Variants in PNPT1 observed in about 807,000 individuals in gnomAD.
PNPT1 encodes the protein polyribonucleotide nucleotidyltransferase 1, mitochondrial.
Under a neutral mutation model 119.5 loss-of-function variants are expected in PNPT1, and 53 were observed. The ratio of observed to expected loss-of-function variants is 0.44; its 90% CI spans 0.36 to 0.56. The LOEUF (loss-of-function observed/expected upper bound fraction) is 0.56. PNPT1 is among the 20% of genes least tolerant of loss of function. The pLI is 0.00. For missense variants in PNPT1, 948 were observed against 938.5 expected, an observed-to-expected ratio of 1.01 and a Z score of -0.13; for synonymous variants, 357 against 322.1, an observed-to-expected ratio of 1.11 and a Z score of -1.16.
chr2:55,652,111 C>T (rs1018087549), intron 18 of PNPT1, among the ~76,000 whole-genome samples: 1 of 152,172 alleles, frequency 6.6e-6, no homozygotes, highest in African/African-American at 2.4e-5. Flanking sequence ...GCCAATTATG[C>T]TCAGCCTAGT....
chr2:55,680,620 C>A (rs1697219133), intron 7 of PNPT1, 92 bp downstream of exon 7: 3 of 1,169,626 alleles, frequency 2.6e-6, no homozygotes, highest in South Asian at 1.4e-5. Flanking sequence ...GGTAATAAAT[C>A]AGAGCCATAT....
Position 55,637,698 on chromosome 2 carries a change from T to TA in PNPT1, c.2149-100dup, listed in dbSNP as rs1572791101. On this transcript the variant is annotated intron_variant, in intron 26 of 27. Transcript: ENST00000447944. ...CTCAAGCTTTATTAGTTTTTCTGAT[T>TA]AAAAAAATCAGTTAGCGGCTGGGCG... 1.5e-5 allele frequency: 16 copies of TA among 1,102,670 alleles called. No homozygotes were observed. The East Asian group carries it at 2.6e-4, about 18-fold the overall frequency. 68.3% of individuals were successfully genotyped at this position (1,102,670 alleles called of 1,614,324 possible). A position where few individuals can be genotyped will look rare whatever the true frequency, so the allele number is the denominator to read the frequency against.
rs190405689 is a variant in PNPT1 at position 55,651,870 on chromosome 2, G to C, written c.1495+3030C>G. 2.5e-4 allele frequency among the ~76,000 whole-genome samples: 15 copies of C among 60,062 alleles called. No homozygotes were observed. The South Asian group carries it at 4.4e-3, about 18-fold the overall frequency. The allele number at this position is 60,062 out of a possible 152,430, so 39.4% of individuals were successfully genotyped here. A position where few individuals can be genotyped will look rare whatever the true frequency, so the allele number is the denominator to read the frequency against. Reference sequence around the variant, plus strand: ...AACTAGGAAATAAAGAGAAGACAAAGATAAAAAGGAAAGTCAAAAAAAAAA... The same window carrying C: ...AACTAGGAAATAAAGAGAAGACAAACATAAAAAGGAAAGTCAAAAAAAAAA... On this transcript the variant is annotated intron_variant, in intron 18 of 27. Coordinates refer to ENST00000447944, the MANE Select transcript of PNPT1 (RefSeq NM_033109.5).
chr2:55,687,211 C>G (rs1697435634), intron 2 of PNPT1, among the ~76,000 whole-genome samples: 1 of 37,994 alleles, frequency 2.6e-5, no homozygotes, highest in South Asian at 8.0e-4. Context: ...GAGACTCCAT[C>G]TCAAAAAAAA....
chr2:55,643,358 A>G lies in PNPT1; in HGVS notation c.1974T>C (p.His658=), dbSNP rs145017720. 2.5e-6 allele frequency: 4 copies of G among 1,614,106 alleles called. No homozygotes were observed. The highest frequency in any genetic ancestry group is 1.3e-5 in the African/African-American group (1 of 74,936). Residue 658 remains histidine, a synonymous_variant, in exon 24 of 28, where the codon CAT becomes CAC. Transcript: ENST00000447944. ...SVFAPTPSAM[H]EARDFITEIC... is the part of the protein sequence containing the mutation. ...TTTCAGTAATGAAGTCTCTTGCCTCATGCATAGCACTGGGTGTTGGTGCAA... is the reference window on the plus strand; with the variant it reads ...TTTCAGTAATGAAGTCTCTTGCCTCGTGCATAGCACTGGGTGTTGGTGCAA...
intron 18 of PNPT1, among the ~76,000 whole-genome samples, chr2:55,652,720 T>C (rs942710114): frequency 4.1e-4 from 62 of 152,352 alleles, no homozygotes; most frequent in Middle Eastern, 3.4e-3. Flanking sequence ...TAAAGCTGAA[T>C]TATAGATATA....
intron 18 of PNPT1, among the ~76,000 whole-genome samples, chr2:55,654,160 G>T (rs1225464208): frequency 6.6e-6 from 1 of 151,868 alleles, no homozygotes; most frequent in Non-Finnish European, 1.5e-5. Flanking sequence ...AGGAGGCTGA[G>T]GCAGAAGAAT....
At chr2:55,648,443 A>C (rs1193982243) in intron 18 of PNPT1, among the ~76,000 whole-genome samples, 1 of 152,202 alleles carries the variant, frequency 6.6e-6, no homozygotes, top group African/African-American at 2.4e-5. Flanking sequence ...TAGCATTTTA[A>C]ACTTTTACCA....
chr2:55,672,472 A>C (rs1002497658), intron 9 of PNPT1, among the ~76,000 whole-genome samples: 15 of 152,226 alleles, frequency 9.9e-5, no homozygotes, highest in African/African-American at 3.6e-4. Context: ...AATTTTTTCA[A>C]ATAAAATAAT....
At position 55,670,828 on chromosome 2, in the gene PNPT1, ACTCTG is replaced by A. The variant is rs1416787726; in HGVS notation, c.976+486_976+490del. ...CACATTCAACATTTACTAGGTACCTACTCTGCATCAAATGTAGTGCTAGCTACATT... is the reference window on the plus strand; with the variant it reads ...CACATTCAACATTTACTAGGTACCTACATCAAATGTAGTGCTAGCTACATT... On this transcript the variant is annotated intron_variant, in intron 11 of 27. Transcript: ENST00000447944. 7.2e-5 allele frequency among the ~76,000 whole-genome samples: 11 copies of A among 152,246 alleles called. No individual in the cohort carries two copies. The East Asian group carries it at 2.1e-3, about 29-fold the overall frequency.
At chr2:55,672,552 T>C (rs551033593) in intron 9 of PNPT1, among the ~76,000 whole-genome samples, 4 of 152,376 alleles carry the variant, frequency 2.6e-5, no homozygotes, top group South Asian at 2.1e-4. Flanking sequence ...GTAACAGTGA[T>C]TACCTCTGAT....
intron 14 of PNPT1, 63 bp downstream of exon 14, chr2:55,661,893 T>A: frequency 7.3e-7 from 1 of 1,368,868 alleles, no homozygotes; most frequent in African/African-American, 1.5e-5. Flanking sequence ...ATATACCACA[T>A]AAGCTTTAAT....
chr2:55,680,659 T>G, intron 7 of PNPT1, 53 bp downstream of exon 7: 2 of 1,528,242 alleles, frequency 1.3e-6, no homozygotes, highest in Middle Eastern at 2.1e-4. Context: ...TCACTACTAC[T>G]TACTGAAAAA....
At position 55,637,566 on chromosome 2, in the gene PNPT1, C is replaced by T. The variant is rs139578402; in HGVS notation, c.2182G>A (p.Gly728Ser). 2 of 1,604,772 alleles carry T rather than the reference C, an allele frequency of 1.2e-6. No homozygotes were observed. The highest frequency in any genetic ancestry group is 1.7e-6 in the Non-Finnish European group (2 of 1,171,708). ...AATACAAATACCTGAATTTCTTGGC[C>T]AACTTCTAATCCTAGGGCAGTAGGA... ...KHPTALGLEV[G>S]QEIQVKYFGR... The change falls in exon 27 of 28, where the codon GGC (glycine) becomes AGC (serine). Residue 728 changes from glycine to serine, a missense_variant. Coordinates refer to ENST00000447944, the MANE Select transcript of PNPT1 (RefSeq NM_033109.5).
chr2:55,688,512 G>T (rs1697489745), intron 1 of PNPT1, among the ~76,000 whole-genome samples: 1 of 151,986 alleles, frequency 6.6e-6, no homozygotes, highest in African/African-American at 2.4e-5. Flanking sequence ...ATCACCCGAG[G>T]TCAGGAGTTC....
At position 55,646,141 on chromosome 2, in the gene PNPT1, C is replaced by G. The variant is rs1200440996; in HGVS notation, c.1738+118G>C. On this transcript the variant is annotated intron_variant, in intron 21 of 27. Transcript: ENST00000447944. The stretch of plus-strand genomic sequence containing the variant: ...CCACACCTGGCCAGTACTTCTTGAT[C>G]TAAGTTATATGAAATTCCACTTTTT... 8.8e-6 allele frequency: 9 copies of G among 1,026,242 alleles called. No individual in the cohort carries two copies. The African/African-American group carries it at 1.3e-4, about 15-fold the overall frequency. The allele number at this position is 1,026,242 out of a possible 1,614,324, so 63.6% of individuals were successfully genotyped here.
At chr2:55,645,670 A>G (rs375573214) in intron 21 of PNPT1, among the ~76,000 whole-genome samples, 2 of 152,142 alleles carry the variant, frequency 1.3e-5, no homozygotes, top group Admixed American at 6.6e-5. Context: ...GCGTGTATTC[A>G]TGTGTCCCAA....
At chr2:55,691,878 A>ATATATTTT (rs1326804958) in intron 1 of PNPT1, among the ~76,000 whole-genome samples, 7 of 33,126 alleles carry the variant, frequency 2.1e-4, no homozygotes, top group Admixed American at 9.8e-4. Context: ...ATATATATAT[A>ATATATTTT]TTTTTTTTTT....
In PNPT1 at chr2:55,660,206, G is replaced by C. The variant is rs762563546; in HGVS notation, c.1248-13C>G. ...ATCTTTTATCCCACTAAAAATAAAA[G>C]GCATAATATTAAAAACATCATAGGG... On this transcript the variant is annotated splice_polypyrimidine_tract_variant and intron_variant, in intron 14 of 27. Transcript: ENST00000447944. The C allele has an allele frequency of 8.2e-6, 13 of 1,580,310 alleles. No individual in the cohort carries two copies. Among genetic ancestry groups the C allele is most frequent in the Non-Finnish European group, 1.0e-5 (12 of 1,162,694 alleles).
Sources: allele counts gnomAD v4.1 joint callset (sites outside exome capture counted in the v4.1 genomes callset), GRCh38; gene constraint gnomAD v4.1.1; transcripts MANE v1.5; gene names NCBI Gene and HGNC (gene_info 2026-07-23, HGNC 2026-07-21).